Variants in FOXN2 observed in about 807,000 individuals in gnomAD.
FOXN2 encodes forkhead box protein N2.
A neutral mutation model predicts 41.2 loss-of-function variants in FOXN2; 19 were observed. The observed-to-expected ratio is 0.46, with a 90% CI of 0.32 to 0.68. The LOEUF (loss-of-function observed/expected upper bound fraction) is 0.68. Among genes scored for constraint, FOXN2 ranks in the 30% least tolerant of loss-of-function variants. The pLI, the probability that FOXN2 is intolerant of heterozygous loss-of-function variation, is 0.03. For synonymous variants in FOXN2, 195 were observed against 176.8 expected (o/e 1.10, Z -0.82); for missense variants, 587 against 509.4 (o/e 1.15, Z -1.47).
intron 1 of FOXN2, among the ~76,000 whole-genome samples, chr2:48,315,526 C>G (rs59697023): frequency 0.11 from 16,837 of 152,230 alleles, 1,374 homozygotes; most frequent in East Asian, 0.45. Context: ...TCGCCGCCTC[C>G]TTTGGGGCCG....
At chr2:48,353,484 G>A (rs1261170601) in intron 3 of FOXN2, among the ~76,000 whole-genome samples, 2 of 150,516 alleles carry the variant, frequency 1.3e-5, no homozygotes, top group African/African-American at 4.9e-5. Context: ...GTATAGATTT[G>A]CTTCTCCCAC....
rs1673425282 is a variant in FOXN2 at position 48,379,118 on chromosome 2, G to A, written c.*3675G>A. The A allele has an allele frequency of 6.6e-6, 1 of 152,542 alleles. No homozygotes were observed. Among genetic ancestry groups the A allele is most frequent in the Non-Finnish European group, 1.5e-5 (1 of 68,000 alleles). 9.4% of individuals were successfully genotyped at this position (152,542 alleles called of 1,614,324 possible). A position where few individuals can be genotyped will look rare whatever the true frequency, so the allele number is the denominator to read the frequency against. On this transcript the variant is annotated 3_prime_UTR_variant, in exon 7 of 7. Transcript: ENST00000340553. Reference sequence around the variant, plus strand: ...AGTTATAACTGCCAGTAGATGACCAGTCACAAGTGAACCACTTCTCAGTTG... The same window carrying A: ...AGTTATAACTGCCAGTAGATGACCAATCACAAGTGAACCACTTCTCAGTTG...
intron 6 of FOXN2, among the ~76,000 whole-genome samples, chr2:48,374,597 C>T (rs1673109938): frequency 1.3e-5 from 2 of 152,080 alleles, no homozygotes; most frequent in African/African-American, 4.8e-5. Flanking sequence ...ATGATTTATA[C>T]TAATGAAAAA....
At chr2:48,373,845 A>C (rs938311497) in intron 6 of FOXN2, among the ~76,000 whole-genome samples, 1 of 152,172 alleles carries the variant, frequency 6.6e-6, no homozygotes, top group African/African-American at 2.4e-5. Context: ...ACTTGAGACC[A>C]GGAGTTCCAG....
At chr2:48,326,627 A>C (rs1222897016) in intron 1 of FOXN2, among the ~76,000 whole-genome samples, 1 of 152,188 alleles carries the variant, frequency 6.6e-6, no homozygotes, top group African/African-American at 2.4e-5. Context: ...AAAAATCCAA[A>C]ATCTGAAATG....
chr2:48,361,058 G>A (rs7600794), intron 4 of FOXN2, among the ~76,000 whole-genome samples: 1 of 150,654 alleles, frequency 6.6e-6, no homozygotes, highest in Non-Finnish European at 1.5e-5. Context: ...ACCATTTTTT[G>A]TAAACCATCA....
chr2:48,372,006 A>G (rs1002694244), intron 5 of FOXN2, among the ~76,000 whole-genome samples: 3 of 152,148 alleles, frequency 2.0e-5, no homozygotes, highest in African/African-American at 7.2e-5. Flanking sequence ...CTCTTCCAAC[A>G]TAGATGCCTT....
At chr2:48,338,266 C>T (rs1670496793) in intron 2 of FOXN2, among the ~76,000 whole-genome samples, 1 of 152,150 alleles carries the variant, frequency 6.6e-6, no homozygotes, top group South Asian at 2.1e-4. Context: ...TAAATCATAC[C>T]TCAGGTTTGC....
intron 1 of FOXN2, among the ~76,000 whole-genome samples, chr2:48,317,145 A>G (rs1462635408): frequency 1.3e-5 from 2 of 151,828 alleles, no homozygotes; most frequent in African/African-American, 2.4e-5. Context: ...TGGGCAGTGT[A>G]GCCAGACTCC....
chr2:48,359,930 GTTTCTT>G (rs1456144124), intron 4 of FOXN2, among the ~76,000 whole-genome samples: 1 of 151,886 alleles, frequency 6.6e-6, no homozygotes, highest in Admixed American at 6.6e-5. Flanking sequence ...ACATATGTAG[GTTTCTT>G]TTTCTGTTTT....
At chr2:48,362,582 A>AG in intron 4 of FOXN2, 61 bp from the exon 5 acceptor site, 1 of 1,467,882 alleles carries the variant, frequency 6.8e-7, no homozygotes. Context: ...GTCAAAAATT[A>AG]GGGGGAAAAA....
chr2:48,360,577 A>G (rs1400594280), intron 4 of FOXN2, among the ~76,000 whole-genome samples: 1 of 152,196 alleles, frequency 6.6e-6, no homozygotes, highest in African/African-American at 2.4e-5. Context: ...ACCATATTAT[A>G]GATTAGATGG....
intron 2 of FOXN2, among the ~76,000 whole-genome samples, chr2:48,330,097 T>C (rs1330484497): frequency 1.3e-5 from 2 of 152,064 alleles, no homozygotes; most frequent in Non-Finnish European, 2.9e-5. Flanking sequence ...TTTTTAAAAA[T>C]GAGGTAGTCT....
chr2:48,365,785 A>C (rs965778424), intron 5 of FOXN2, among the ~76,000 whole-genome samples: 3 of 152,360 alleles, frequency 2.0e-5, no homozygotes, highest in South Asian at 2.1e-4. Context: ...CTGTCCTGGA[A>C]TATAATACAA....
At chr2:48,339,796 C>G (rs6545034) in intron 2 of FOXN2, among the ~76,000 whole-genome samples, 1 of 151,572 alleles carries the variant, frequency 6.6e-6, no homozygotes, top group Non-Finnish European at 1.5e-5. Context: ...AGAGAAATTT[C>G]TGACACTTGT....
chr2:48,328,942 A>G (rs1669858323), intron 2 of FOXN2, among the ~76,000 whole-genome samples: 1 of 152,124 alleles, frequency 6.6e-6, no homozygotes, highest in Non-Finnish European at 1.5e-5. Flanking sequence ...TTTATAAATT[A>G]TTTAGTCACC....
chr2:48,354,392 G>A lies in FOXN2; in HGVS notation c.538-4655G>A, dbSNP rs544755647. ...TGAGGTGGGCGGATCACGAGGTCAA[G>A]AGGTCAAGTCCAGCCTGGCCAACAG... On this transcript the variant is annotated intron_variant, in intron 3 of 6. Coordinates refer to ENST00000340553, the MANE Select transcript of FOXN2 (RefSeq NM_002158.4). 3.3e-4 allele frequency among the ~76,000 whole-genome samples: 51 copies of A among 152,296 alleles called. 1 individual carries two copies. Among genetic ancestry groups the A allele is most frequent in the South Asian group, 2.9e-3 (14 of 4,828 alleles).
At chr2:48,333,486 C>A (rs946766530) in intron 2 of FOXN2, among the ~76,000 whole-genome samples, 6 of 152,068 alleles carry the variant, frequency 3.9e-5, no homozygotes, top group Non-Finnish European at 7.4e-5. Context: ...TGTATCCTCA[C>A]CTGTTAAACC....
chr2:48,331,818 A>G (rs1011206978), intron 2 of FOXN2, among the ~76,000 whole-genome samples: 4 of 152,074 alleles, frequency 2.6e-5, no homozygotes, highest in East Asian at 3.9e-4. Context: ...AAAAAAAAAA[A>G]AAAGAAAGAA....
Sources: allele counts gnomAD v4.1 joint callset (sites outside exome capture counted in the v4.1 genomes callset), GRCh38; gene constraint gnomAD v4.1.1; transcripts MANE v1.5; gene names NCBI Gene and HGNC (gene_info 2026-07-23, HGNC 2026-07-21).